Variants in RSBN1L observed in about 807,000 individuals in gnomAD.
RSBN1L encodes the protein lysine-specific demethylase RSBN1L.
Under a neutral mutation model 67.7 loss-of-function variants are expected in RSBN1L, and 30 were observed. The observed-to-expected ratio is 0.44, with a 90% CI of 0.33 to 0.60. The LOEUF (loss-of-function observed/expected upper bound fraction) is 0.60. Among genes scored for constraint, RSBN1L ranks in the 20% least tolerant of loss-of-function variants. The probability of loss-of-function intolerance (pLI) is 0.02; values close to 1 mark genes in which losing one functional copy is unlikely to be tolerated. For synonymous variants in RSBN1L, 433 were observed against 387.0 expected, an observed-to-expected ratio of 1.12 and a Z score of -1.39; for missense variants, 992 against 1,031.7, an observed-to-expected ratio of 0.96 and a Z score of 0.53.
intron 3 of RSBN1L, among the ~76,000 whole-genome samples, chr7:77,756,726 C>T (rs981436782): frequency 2.0e-5 from 3 of 152,072 alleles, no homozygotes; most frequent in African/African-American, 4.8e-5. Flanking sequence ...TGCAGTGAGC[C>T]GAGATTGCGC....
At position 77,696,730 on chromosome 7, in the gene RSBN1L, C is replaced by T. The variant is rs1790733091; in HGVS notation, c.261C>T (p.Ser87=). The T allele has an allele frequency of 6.2e-7, 1 of 1,613,670 alleles. No homozygotes were observed. Residue 87 remains serine, a synonymous_variant, in exon 1 of 8, where the codon AGC becomes AGT. Coordinates refer to ENST00000334955, the MANE Select transcript of RSBN1L (RefSeq NM_198467.3). The part of the protein sequence containing the change: ...PQSYGSPASW[S]FAPLSAAPSP... ...GCTATGGCAGCCCCGCGTCTTGGAGCTTTGCCCCTCTGTCTGCTGCTCCCT... is the reference window on the plus strand; with the variant it reads ...GCTATGGCAGCCCCGCGTCTTGGAGTTTTGCCCCTCTGTCTGCTGCTCCCT...
chr7:77,745,208 C>T (rs1448822760), intron 2 of RSBN1L, among the ~76,000 whole-genome samples: 1 of 151,558 alleles, frequency 6.6e-6, no homozygotes, highest in Non-Finnish European at 1.5e-5. Context: ...TTGCAGTGAG[C>T]CGAGATTATG....
At chr7:77,770,398 C>T (rs1004873419) in intron 5 of RSBN1L, among the ~76,000 whole-genome samples, 1 of 150,192 alleles carries the variant, frequency 6.7e-6, no homozygotes, top group Non-Finnish European at 1.5e-5. Flanking sequence ...TAGTGAAATA[C>T]GCCAGGTGCA....
chr7:77,739,065 C>T (rs2150421790), intron 2 of RSBN1L, among the ~76,000 whole-genome samples: 1 of 152,256 alleles, frequency 6.6e-6, no homozygotes, highest in Non-Finnish European at 1.5e-5. Context: ...GCATTGAAAG[C>T]ACTGAGTGTT....
chr7:77,763,138 A>G (rs999908536), intron 3 of RSBN1L, among the ~76,000 whole-genome samples: 1 of 142,576 alleles, frequency 7.0e-6, no homozygotes, highest in African/African-American at 2.7e-5. Flanking sequence ...GTGGAAATAT[A>G]TATAATTTGA....
At chr7:77,762,234 ATTACT>A (rs548802773) in intron 3 of RSBN1L, among the ~76,000 whole-genome samples, 10 of 152,156 alleles carry the variant, frequency 6.6e-5, no homozygotes, top group African/African-American at 1.9e-4. Context: ...TAGAGTCTGT[ATTACT>A]TTACTTTAAA....
In RSBN1L at chr7:77,782,748, T is replaced by A. The variant is rs1792015916; in HGVS notation, c.*3580T>A. 6.6e-6 allele frequency: 1 copy of A among 152,184 alleles called. No homozygotes were observed. The highest frequency in any genetic ancestry group is 1.5e-5 in the Non-Finnish European group (1 of 68,032). The allele number at this position is 152,184 out of a possible 1,614,324, so 9.4% of individuals were successfully genotyped here. A position where few individuals can be genotyped will look rare whatever the true frequency, so the allele number is the denominator to read the frequency against. ...GTCATTGAGGGTAGGGAAGATTTTA[T>A]TTTTTAAGTTGTCGTTAAGGTATTT... On this transcript the variant is annotated 3_prime_UTR_variant, in exon 8 of 8. Coordinates refer to ENST00000334955, the MANE Select transcript of RSBN1L (RefSeq NM_198467.3).
chr7:77,756,139 A>AT lies in RSBN1L; in HGVS notation c.1344+6085dup, dbSNP rs1037441605. On this transcript the variant is annotated intron_variant, in intron 3 of 7. Coordinates refer to ENST00000334955, the MANE Select transcript of RSBN1L (RefSeq NM_198467.3). ...GTGCAAATCTGACTTTTATTTTTTTATTTTTTTTTTGAGACAGAGTCTAGC... is the reference window on the plus strand; with the variant it reads ...GTGCAAATCTGACTTTTATTTTTTTATTTTTTTTTTTGAGACAGAGTCTAGC... Among the ~76,000 whole-genome samples the AT allele has an allele frequency of 7.7e-4, 115 of 149,646 alleles. 2 individuals are homozygous for AT. Among genetic ancestry groups the AT allele is most frequent in the Admixed American group, 5.7e-3 (85 of 14,988 alleles).
At chr7:77,774,011 A>G (rs963302091) in intron 6 of RSBN1L, among the ~76,000 whole-genome samples, 1 of 152,202 alleles carries the variant, frequency 6.6e-6, no homozygotes, top group African/African-American at 2.4e-5. Flanking sequence ...TTACAGTCAT[A>G]TAGTTAATAA....
intron 3 of RSBN1L, among the ~76,000 whole-genome samples, chr7:77,754,740 C>G (rs2150427618): frequency 6.6e-6 from 1 of 152,244 alleles, no homozygotes; most frequent in South Asian, 2.1e-4. Context: ...GAGGCTGAGG[C>G]AAGAGGATCA....
intron 1 of RSBN1L, among the ~76,000 whole-genome samples, chr7:77,701,225 C>T (rs1172865009): frequency 6.6e-6 from 1 of 151,040 alleles, no homozygotes; most frequent in Non-Finnish European, 1.5e-5. Context: ...GCTGTCCTTA[C>T]TGCTTTAGCC....
intron 1 of RSBN1L, among the ~76,000 whole-genome samples, chr7:77,727,273 G>T (rs1446370779): frequency 6.6e-6 from 1 of 151,972 alleles, no homozygotes; most frequent in Non-Finnish European, 1.5e-5. Context: ...TTTTAGTACA[G>T]ACGGGGTTTC....
At chr7:77,709,734 G>T (rs531180030) in intron 1 of RSBN1L, among the ~76,000 whole-genome samples, 1 of 152,168 alleles carries the variant, frequency 6.6e-6, no homozygotes, top group Non-Finnish European at 1.5e-5. Context: ...ATTTGGTTTG[G>T]TTTTGGGCCC....
At chr7:77,702,703 CAG>C (rs1790834668) in intron 1 of RSBN1L, among the ~76,000 whole-genome samples, 1 of 152,112 alleles carries the variant, frequency 6.6e-6, no homozygotes, top group African/African-American at 2.4e-5. Flanking sequence ...GGTGACTTAA[CAG>C]AAATTAATTT....
rs1416169588 is a variant in RSBN1L at position 77,696,628 on chromosome 7, G to A, written c.159G>A (p.Pro53=). 1 of 1,614,014 alleles carries A rather than the reference G, an allele frequency of 6.2e-7. No homozygotes were observed. Among genetic ancestry groups the A allele is most frequent in the South Asian group, 1.1e-5 (1 of 91,088 alleles). Residue 53 remains proline, a synonymous_variant, in exon 1 of 8, where the codon CCG becomes CCA. Transcript: ENST00000334955. ...TCCGGACTGAGGAGAAGAAGGCACC[G>A]CGGAGAGTGAACGGAGAAGGGGGCA... ...KKVRTEEKKA[P]RRVNGEGGSG...
At chr7:77,701,456 C>A (rs1309718362) in intron 1 of RSBN1L, among the ~76,000 whole-genome samples, 1 of 151,980 alleles carries the variant, frequency 6.6e-6, no homozygotes, top group Non-Finnish European at 1.5e-5. Context: ...ATAATTTTCC[C>A]TCAAAAGTTT....
At chr7:77,750,799 A>G (rs769034336) in intron 3 of RSBN1L, among the ~76,000 whole-genome samples, 1 of 152,190 alleles carries the variant, frequency 6.6e-6, no homozygotes, top group Non-Finnish European at 1.5e-5. Context: ...CTAGGACAAC[A>G]TTCTAGTTTG....
intron 1 of RSBN1L, among the ~76,000 whole-genome samples, chr7:77,703,476 G>GTTTT (rs1562792479): frequency 1.2e-4 from 12 of 101,522 alleles, no homozygotes; most frequent in African/African-American, 3.9e-4. Context: ...CTACTGTTTG[G>GTTTT]GTTTTTTTTT....
In RSBN1L at chr7:77,696,837, C is replaced by A; in HGVS notation, c.368C>A (p.Pro123Gln). Residue 123 changes from proline (P) to glutamine (Q), a missense_variant, in exon 1 of 8, where the codon CCG (proline) becomes CAG (glutamine). Pro to Gln is a moderately conservative substitution (Grantham distance 76). This residue lies in a region of RSBN1L where 575 missense variants were observed against 483.2 expected (regional missense o/e 1.19). Transcript: ENST00000334955. The stretch of plus-strand genomic sequence containing the variant: ...TCAGCCTCCGCTTCCTTGTCTCAGC[C>A]GGTGCCGCGCAAACTGCTGGTCCCT... ...PSSASASLSQPVPRKLLVPPT... is the reference protein window; with the variant it reads ...PSSASASLSQQVPRKLLVPPT... The A allele has an allele frequency of 1.9e-6, 3 of 1,613,218 alleles. No individual in the cohort carries two copies. The highest frequency in any genetic ancestry group is 1.1e-5 in the South Asian group (1 of 91,084).
Sources: gnomAD v4.1 joint callset for allele counts (sites outside exome capture counted in the v4.1 genomes callset) on GRCh38, gnomAD v4.1.1 for gene constraint, gnomAD v4.1.1 regional missense constraint, MANE v1.5 for transcripts, NCBI Gene and HGNC (gene_info 2026-07-23, HGNC 2026-07-21) for gene names.